Variants in TESK2 observed in about 807,000 individuals in gnomAD.
The protein encoded by TESK2 is testis associated actin remodelling kinase 2.
In TESK2, 39 loss-of-function variants were observed where a neutral mutation model predicts 57.1. That is an observed-to-expected ratio of 0.68 (90% CI 0.53 to 0.89). TESK2 has a LOEUF of 0.89. Among genes scored for constraint, TESK2 ranks in the 40% least tolerant of loss-of-function variants. The pLI, the probability that TESK2 is intolerant of heterozygous loss-of-function variation, is 0.00. For missense variants in TESK2, 646 were observed against 732.1 expected (o/e 0.88, Z 1.36); for synonymous variants, 249 against 267.9 (o/e 0.93, Z 0.69).
rs367811006 is a variant in TESK2, at chr1:45,347,082, T to C, written c.709-20A>G. ...ATCTGCCTGGTGGGTAGTCGGACTT[T>C]GGTTTCCCTCTTAATGGGTTGAGGG... On this transcript the variant is annotated intron_variant, in intron 7 of 10. Coordinates refer to ENST00000372086, the MANE Select transcript of TESK2 (RefSeq NM_007170.3). 52 of 1,613,034 alleles carry C rather than the reference T, an allele frequency of 3.2e-5. No homozygotes were observed. The African/African-American group carries it at 6.5e-4, about 20-fold the overall frequency.
At chr1:45,490,149 C>T (rs1653657176) in intron 1 of TESK2, among the ~76,000 whole-genome samples, 1 of 152,196 alleles carries the variant, frequency 6.6e-6, no homozygotes. Flanking sequence ...GCAATCATAC[C>T]AAGCTCCTGC....
At chr1:45,473,303 CAATA>C in intron 1 of TESK2, among the ~76,000 whole-genome samples, 1 of 152,114 alleles carries the variant, frequency 6.6e-6, no homozygotes, top group Non-Finnish European at 1.5e-5. Flanking sequence ...AAGGGAACAT[CAATA>C]TATACAGGAC....
Position 45,452,032 on chromosome 1 carries a change from C to CAAAAAAAAAAAAAAAAAAAAAAAAAAAA in TESK2, c.222+5531_222+5532insTTTTTTTTTTTTTTTTTTTTTTTTTTTT, listed in dbSNP as rs566363776. Among the ~76,000 whole-genome samples, 63 of 103,796 alleles carry CAAAAAAAAAAAAAAAAAAAAAAAAAAAA rather than the reference C, an allele frequency of 6.1e-4. 6 individuals are homozygous for CAAAAAAAAAAAAAAAAAAAAAAAAAAAA. Among genetic ancestry groups the CAAAAAAAAAAAAAAAAAAAAAAAAAAAA allele is most frequent in the African/African-American group, 1.9e-3 (44 of 23,624 alleles). 68.1% of individuals were successfully genotyped at this position (103,796 alleles called of 152,430 possible). A position where few individuals can be genotyped will look rare whatever the true frequency, so the allele number is the denominator to read the frequency against. On this transcript the variant is annotated intron_variant, in intron 2 of 10. Coordinates refer to ENST00000372086, the MANE Select transcript of TESK2 (RefSeq NM_007170.3). ...TGGGAGACAGAACAAGACTCCGTCT[C>CAAAAAAAAAAAAAAAAAAAAAAAAAAAA]AAAAAAAAAAAAAAATTTATTTGGT...
intron 4 of TESK2, among the ~76,000 whole-genome samples, chr1:45,367,578 A>AC (rs1310544722): frequency 1.4e-5 from 2 of 146,526 alleles, no homozygotes; most frequent in Non-Finnish European, 3.0e-5. Flanking sequence ...CCAAATCCTG[A>AC]CCTCAGGTGA....
At chr1:45,421,670 C>A (rs748287338) in intron 3 of TESK2, 55 bp downstream of exon 3, 15 of 1,608,202 alleles carry the variant, frequency 9.3e-6, no homozygotes, top group African/African-American at 1.3e-5. Flanking sequence ...GCTATTCTAG[C>A]AAGCCTCCAA....
chr1:45,347,865 C>T lies in TESK2; in HGVS notation c.623+53G>A, dbSNP rs1003879196. ...TCTGGGGAGGAGGCTAGAATTTTCC[C>T]TTAGCTTCAGCCCCCTGTCCCTTGG... On this transcript the variant is annotated intron_variant, in intron 6 of 10. Coordinates refer to ENST00000372086, the MANE Select transcript of TESK2 (RefSeq NM_007170.3). 2.1e-5 allele frequency: 32 copies of T among 1,523,972 alleles called. No homozygotes were observed. In the African/African-American group the frequency reaches 3.3e-4, roughly 16 times the overall value. 94.4% of individuals were successfully genotyped at this position (1,523,972 alleles called of 1,614,324 possible).
chr1:45,476,741 G>A (rs1261132709), intron 1 of TESK2, among the ~76,000 whole-genome samples: 1 of 152,042 alleles, frequency 6.6e-6, no homozygotes, highest in African/African-American at 2.4e-5. Flanking sequence ...CAGCTACTTG[G>A]GAAGCCGAGG....
At chr1:45,486,665 AC>A (rs1166131748) in intron 1 of TESK2, among the ~76,000 whole-genome samples, 1 of 150,286 alleles carries the variant, frequency 6.7e-6, no homozygotes, top group Non-Finnish European at 1.5e-5. Flanking sequence ...ACAGAGCAAG[AC>A]CCCATAAAAA....
chr1:45,394,576 G>A (rs1649277901), intron 3 of TESK2, among the ~76,000 whole-genome samples: 1 of 149,932 alleles, frequency 6.7e-6, no homozygotes, highest in South Asian at 2.1e-4. Context: ...CCCAGGTGAT[G>A]CTGATGTCGC....
In TESK2 at chr1:45,389,801, A is replaced by G. The variant is rs550749447; in HGVS notation, c.345-3841T>C. On this transcript the variant is annotated intron_variant, in intron 3 of 10. Transcript: ENST00000372086. Reference sequence around the variant, plus strand: ...AAGGTTGTTATGAGAATTAAATGGGATATTTTCAAGTATACTGTGTAGCAA... The same window carrying G: ...AAGGTTGTTATGAGAATTAAATGGGGTATTTTCAAGTATACTGTGTAGCAA... 2.0e-5 allele frequency among the ~76,000 whole-genome samples: 3 copies of G among 152,346 alleles called. No individual in the cohort carries two copies. The South Asian group carries it at 6.2e-4, about 32-fold the overall frequency.
chr1:45,449,435 T>C (rs1421900044), intron 2 of TESK2, among the ~76,000 whole-genome samples: 1 of 152,050 alleles, frequency 6.6e-6, no homozygotes, highest in Admixed American at 6.6e-5. Flanking sequence ...GTCAACATAT[T>C]GAAGCAACCA....
intron 1 of TESK2, among the ~76,000 whole-genome samples, chr1:45,478,036 A>C (rs1057479467): frequency 6.6e-6 from 1 of 152,206 alleles, no homozygotes; most frequent in Non-Finnish European, 1.5e-5. Context: ...ACTTCTGAGA[A>C]TCATTCATGT....
At chr1:45,400,401 GA>G (rs1557558407) in intron 3 of TESK2, among the ~76,000 whole-genome samples, 1 of 152,150 alleles carries the variant, frequency 6.6e-6, no homozygotes, top group South Asian at 2.1e-4. Context: ...CTGACTTATA[GA>G]ACAGTAAGAT....
chr1:45,352,539 C>T (rs774664823), intron 5 of TESK2, among the ~76,000 whole-genome samples: 3 of 152,150 alleles, frequency 2.0e-5, no homozygotes, highest in Non-Finnish European at 4.4e-5. Flanking sequence ...GGGCTTTCCT[C>T]GAGGAAGCCT....
chr1:45,425,411 G>A (rs1650646827), intron 2 of TESK2, among the ~76,000 whole-genome samples: 1 of 152,178 alleles, frequency 6.6e-6, no homozygotes, highest in Admixed American at 6.5e-5. Flanking sequence ...CCAATACTTT[G>A]GGAGGCCAAG....
At chr1:45,403,572 G>A (rs549548686) in intron 3 of TESK2, among the ~76,000 whole-genome samples, 1 of 152,228 alleles carries the variant, frequency 6.6e-6, no homozygotes, top group South Asian at 2.1e-4. Context: ...GACAGCCAAA[G>A]GCAGAACAAA....
In TESK2 at chr1:45,384,617, T is replaced by TTTA. The variant is rs1557551634; in HGVS notation, c.393+1294_393+1295insTAA. 4.7e-3 allele frequency among the ~76,000 whole-genome samples: 650 copies of TTTA among 137,508 alleles called. 11 individuals carry two copies. The highest frequency in any genetic ancestry group is 0.014 in the African/African-American group (516 of 35,898). The allele number at this position is 137,508 out of a possible 152,430, so 90.2% of individuals were successfully genotyped here. On this transcript the variant is annotated intron_variant, in intron 4 of 10. Coordinates refer to ENST00000372086, the MANE Select transcript of TESK2 (RefSeq NM_007170.3). Reference sequence around the variant, plus strand: ...AATTTTTTTTTTTTTTTTTTTTTTTTTTTTTTTTTGTAGAGACAGAGCCTT... The same window carrying TTTA: ...AATTTTTTTTTTTTTTTTTTTTTTTTTTATTTTTTTTTGTAGAGACAGAGCCTT...
At chr1:45,373,786 G>T (rs544112533) in intron 4 of TESK2, among the ~76,000 whole-genome samples, 1 of 152,224 alleles carries the variant, frequency 6.6e-6, no homozygotes, top group East Asian at 1.9e-4. Flanking sequence ...CAGTGATTAT[G>T]TATCAGGCAC....
chr1:45,354,747 C>G (rs1450815161), intron 5 of TESK2, among the ~76,000 whole-genome samples: 4 of 130,494 alleles, frequency 3.1e-5, no homozygotes, highest in Admixed American at 8.7e-5. Context: ...CGAGACCATG[C>G]CACTGTACTC....
Sources: gnomAD v4.1 joint callset for allele counts (sites outside exome capture counted in the v4.1 genomes callset) on GRCh38, gnomAD v4.1.1 for gene constraint, MANE v1.5 for transcripts, NCBI Gene and HGNC (gene_info 2026-07-23, HGNC 2026-07-21) for gene names.